The following NECAB1 variants were observed in gnomAD, a reference collection of about 807,000 sequenced individuals.
The protein encoded by NECAB1 is N-terminal EF-hand calcium binding protein 1.
In NECAB1, 29 loss-of-function variants were observed where a neutral mutation model predicts 57.5. The observed-to-expected ratio is 0.50, with a 90% CI of 0.38 to 0.69. The LOEUF (loss-of-function observed/expected upper bound fraction) is 0.69. NECAB1 is among the 30% of genes least tolerant of loss of function. The pLI is 0.00. For synonymous variants in NECAB1, 142 were observed against 147.7 expected (o/e 0.96, Z 0.28); for missense variants, 372 against 413.8 (o/e 0.90, Z 0.88).
At chr8:90,793,029 C>T (rs968202268) in intron 1 of NECAB1, among the ~76,000 whole-genome samples, 5 of 152,158 alleles carry the variant, frequency 3.3e-5, no homozygotes, top group Non-Finnish European at 7.3e-5. Context: ...GCTACGTGCT[C>T]TGTCCTTTAC....
Position 90,872,143 on chromosome 8 carries a change from A to T in NECAB1, c.249A>T (p.Glu83Asp), listed in dbSNP as rs1808632383. 1 of 1,548,200 alleles carries T rather than the reference A, an allele frequency of 6.5e-7. No individual in the cohort carries two copies. The change falls in exon 4 of 13, where the codon GAA (glutamate) becomes GAT (aspartate). Residue 83 changes from glutamate (E) to aspartate (D), a missense_variant. Glu to Asp is a conservative substitution (Grantham distance 45, BLOSUM62 2). Coordinates refer to ENST00000417640, the MANE Select transcript of NECAB1 (RefSeq NM_022351.5). ...DTHNTNNLDT[E>D]ELCEYFSQHL... ...ATCTTTTCAGTAATCTTGACACAGA[A>T]GAGCTATGTGGTAAGTGTTTCTTTA...
chr8:90,801,486 G>C (rs879087950), intron 1 of NECAB1, among the ~76,000 whole-genome samples: 1 of 152,038 alleles, frequency 6.6e-6, no homozygotes, highest in Non-Finnish European at 1.5e-5. Flanking sequence ...ACCACAGTTG[G>C]TTTGTTCATT....
intron 5 of NECAB1, among the ~76,000 whole-genome samples, chr8:90,894,131 CAT>C (rs1217467412): frequency 1.3e-5 from 2 of 152,068 alleles, no homozygotes; most frequent in African/African-American, 2.4e-5. Context: ...GCATAAATAT[CAT>C]ATAAAGTGGA....
chr8:90,951,328 T>C (rs533907747), intron 12 of NECAB1, 124 bp downstream of exon 12: 1 of 566,678 alleles, frequency 1.8e-6, no homozygotes, highest in Non-Finnish European at 3.0e-6. Context: ...TATTTCTTTA[T>C]ATATTTTATG....
At chr8:90,798,956 A>G (rs1385851154) in intron 1 of NECAB1, among the ~76,000 whole-genome samples, 1 of 152,062 alleles carries the variant, frequency 6.6e-6, no homozygotes, top group African/African-American at 2.4e-5. Flanking sequence ...CAGCTCCAGA[A>G]TGTGGTTGTG....
chr8:90,826,391 A>G (rs565449841), intron 3 of NECAB1, among the ~76,000 whole-genome samples: 46 of 152,074 alleles, frequency 3.0e-4, no homozygotes, highest in African/African-American at 1.1e-3. Flanking sequence ...TTGTGGATCT[A>G]CTTAAGGACA....
At chr8:90,932,430 A>G (rs1810433229) in intron 8 of NECAB1, among the ~76,000 whole-genome samples, 1 of 152,182 alleles carries the variant, frequency 6.6e-6, no homozygotes, top group South Asian at 2.1e-4. Context: ...CAACAAATCC[A>G]TGAAACAAGA....
chr8:90,828,131 G>GTTTTTTTTTTT, intron 3 of NECAB1, among the ~76,000 whole-genome samples: 2 of 143,500 alleles, frequency 1.4e-5, no homozygotes, highest in Non-Finnish European at 3.0e-5. Flanking sequence ...GTTCACTGCA[G>GTTTTTTTTTTT]TTTTTTTTTT....
chr8:90,857,764 T>A (rs1349030252), intron 3 of NECAB1, among the ~76,000 whole-genome samples: 1 of 152,142 alleles, frequency 6.6e-6, no homozygotes, highest in Non-Finnish European at 1.5e-5. Flanking sequence ...TTTCATGAAA[T>A]TGGACCTCTT....
intron 5 of NECAB1, among the ~76,000 whole-genome samples, chr8:90,891,229 C>T (rs1295953816): frequency 1.3e-5 from 2 of 152,134 alleles, no homozygotes; most frequent in African/African-American, 4.8e-5. Context: ...AGCATTTAAT[C>T]ATTAAGTAGC....
At chr8:90,895,657 T>C (rs1272571572) in intron 5 of NECAB1, among the ~76,000 whole-genome samples, 2 of 152,244 alleles carry the variant, frequency 1.3e-5, no homozygotes, top group Non-Finnish European at 2.9e-5. Flanking sequence ...TGATTATGTA[T>C]TTGATAAAGA....
intron 1 of NECAB1, among the ~76,000 whole-genome samples, chr8:90,794,862 T>C (rs1811634772): frequency 6.6e-6 from 1 of 152,234 alleles, no homozygotes; most frequent in Non-Finnish European, 1.5e-5. Context: ...TCTTCATGAA[T>C]CTAATTTATA....
intron 3 of NECAB1, among the ~76,000 whole-genome samples, chr8:90,830,693 C>A (rs1019569222): frequency 2.0e-5 from 3 of 152,166 alleles, no homozygotes; most frequent in African/African-American, 7.2e-5. Flanking sequence ...TTTGTCCAGG[C>A]TTTAAGTAGC....
At chr8:90,910,832 T>C (rs965447234) in intron 5 of NECAB1, among the ~76,000 whole-genome samples, 1 of 152,192 alleles carries the variant, frequency 6.6e-6, no homozygotes, top group African/African-American at 2.4e-5. Context: ...GTTGGCTACT[T>C]TGGAGTTCTC....
intron 2 of NECAB1, among the ~76,000 whole-genome samples, chr8:90,803,865 T>C (rs1181012241): frequency 6.6e-6 from 1 of 152,144 alleles, no homozygotes; most frequent in African/African-American, 2.4e-5. Context: ...CACTCACGCT[T>C]TGCTTACATT....
intron 3 of NECAB1, among the ~76,000 whole-genome samples, chr8:90,848,818 C>G (rs930635825): frequency 1.3e-5 from 2 of 152,042 alleles, no homozygotes; most frequent in African/African-American, 2.4e-5. Flanking sequence ...AACCCTGTCT[C>G]TACTAAAACA....
At chr8:90,904,314 T>C (rs1809580604) in intron 5 of NECAB1, among the ~76,000 whole-genome samples, 1 of 151,930 alleles carries the variant, frequency 6.6e-6, no homozygotes, top group African/African-American at 2.4e-5. Context: ...AAAGACTTTA[T>C]ATATTGAAAT....
chr8:90,839,879 G>A (rs1718982781), intron 3 of NECAB1, among the ~76,000 whole-genome samples: 1 of 152,164 alleles, frequency 6.6e-6, no homozygotes, highest in African/African-American at 2.4e-5. Context: ...ACTGGATTAG[G>A]TTTATGTTTT....
At chr8:90,889,214 T>C (rs1485047926) in intron 5 of NECAB1, among the ~76,000 whole-genome samples, 1 of 152,182 alleles carries the variant, frequency 6.6e-6, no homozygotes, top group Non-Finnish European at 1.5e-5. Flanking sequence ...CAATCCTAAG[T>C]ACTTTTATTT....
Sources: gnomAD v4.1 joint callset for allele counts (sites outside exome capture counted in the v4.1 genomes callset) on GRCh38, gnomAD v4.1.1 for gene constraint, MANE v1.5 for transcripts, NCBI Gene and HGNC (gene_info 2026-07-23, HGNC 2026-07-21) for gene names.